The following TRAF3 variants were observed in gnomAD, a reference collection of about 807,000 sequenced individuals.
The protein encoded by TRAF3 is TNF receptor associated factor 3, also known as TNF receptor-associated factor 3.
In TRAF3, 13 loss-of-function variants were observed where a neutral mutation model predicts 62.3. That is an observed-to-expected ratio of 0.21 (90% CI 0.14 to 0.33). The LOEUF (loss-of-function observed/expected upper bound fraction) is 0.33. TRAF3 is among the 10% of genes least tolerant of loss of function. TRAF3 has a pLI of 1.00. For synonymous variants in TRAF3, 269 were observed against 283.4 expected (o/e 0.95, Z 0.51); for missense variants, 440 against 741.8 (o/e 0.59, Z 4.73).
intron 2 of TRAF3, among the ~76,000 whole-genome samples, chr14:102,855,444 A>G (rs900570158): frequency 1.3e-5 from 2 of 152,164 alleles, no homozygotes; most frequent in African/African-American, 4.8e-5. Context: ...GCGTTTCCAC[A>G]GCAGTATATG....
At chr14:102,883,723 T>C (rs550114537) in intron 6 of TRAF3, among the ~76,000 whole-genome samples, 21 of 152,144 alleles carry the variant, frequency 1.4e-4, no homozygotes, top group Non-Finnish European at 2.1e-4. Flanking sequence ...GTAGCTGGGA[T>C]TACGGGTGCC....
chr14:102,898,270 A>G (rs947552270), intron 10 of TRAF3, among the ~76,000 whole-genome samples: 3 of 152,244 alleles, frequency 2.0e-5, no homozygotes, highest in Non-Finnish European at 2.9e-5. Flanking sequence ...TTTTTATTAT[A>G]TTTTGTAGTT....
chr14:102,794,174 T>G (rs1429923372), intron 1 of TRAF3, among the ~76,000 whole-genome samples: 2 of 151,884 alleles, frequency 1.3e-5, no homozygotes, highest in African/African-American at 4.8e-5. Flanking sequence ...TCTCTCTCTC[T>G]TTCTTCTTTT....
chr14:102,844,509 A>G (rs1217051424), intron 2 of TRAF3, among the ~76,000 whole-genome samples: 3 of 152,176 alleles, frequency 2.0e-5, no homozygotes, highest in African/African-American at 7.2e-5. Context: ...GGAAAATAAG[A>G]TGCTCTGAAT....
chr14:102,818,260 A>C (rs1899657687), intron 1 of TRAF3, among the ~76,000 whole-genome samples: 1 of 152,162 alleles, frequency 6.6e-6, no homozygotes, highest in African/African-American at 2.4e-5. Context: ...ATCAGTAGAG[A>C]TTAAAAGCTG....
chr14:102,814,620 G>A lies in TRAF3; in HGVS notation c.-156-15714G>A, dbSNP rs116770915. On this transcript the variant is annotated intron_variant, in intron 1 of 11. Transcript: ENST00000392745. ...TGCAGCCTTGACCTCCTGGACTTAG[G>A]TGATCCTCCCACCTCAGCCTCCTGA... Among the ~76,000 whole-genome samples, 812 of 152,136 alleles carry A rather than the reference G, an allele frequency of 5.3e-3. 4 individuals carry two copies. The highest frequency in any genetic ancestry group is 0.016 in the African/African-American group (645 of 41,480).
intron 2 of TRAF3, among the ~76,000 whole-genome samples, chr14:102,849,724 C>G (rs1358844702): frequency 2.0e-5 from 3 of 152,202 alleles, no homozygotes; most frequent in East Asian, 3.8e-4. Flanking sequence ...ACTGTGGGCC[C>G]TCTCCCGCAG....
intron 2 of TRAF3, among the ~76,000 whole-genome samples, chr14:102,850,802 A>AT (rs1166805700): frequency 1.3e-5 from 2 of 151,156 alleles, no homozygotes; most frequent in East Asian, 1.9e-4. Context: ...CATAGGTGCC[A>AT]TTTTTTAGTC....
At chr14:102,840,559 G>A (rs2139676615) in intron 2 of TRAF3, among the ~76,000 whole-genome samples, 2 of 152,296 alleles carry the variant, frequency 1.3e-5, no homozygotes, top group African/African-American at 4.8e-5. Context: ...GACAGGATCA[G>A]TATTAATGAT....
chr14:102,870,449 A>G lies in TRAF3; in HGVS notation c.245+3A>G, dbSNP rs763416425. 1 of 1,612,906 alleles carries G rather than the reference A, an allele frequency of 6.2e-7. No individual in the cohort carries two copies. The highest frequency in any genetic ancestry group is 8.5e-7 in the Non-Finnish European group (1 of 1,179,792). On this transcript the variant is annotated splice_donor_region_variant and intron_variant, in intron 3 of 11. Transcript: ENST00000392745. ...AGCTGCATGGCGGCCCTGCTGAGGT[A>G]GGCGCCCTCGCCCGGCCCGTCGCCC...
At chr14:102,786,636 A>C (rs1897515555) in intron 1 of TRAF3, among the ~76,000 whole-genome samples, 1 of 152,148 alleles carries the variant, frequency 6.6e-6, no homozygotes, top group Non-Finnish European at 1.5e-5. Context: ...GCAGTGAGCC[A>C]AGATCGTGCC....
chr14:102,834,576 A>G (rs908749019), intron 2 of TRAF3, among the ~76,000 whole-genome samples: 2 of 150,018 alleles, frequency 1.3e-5, no homozygotes, highest in African/African-American at 5.0e-5. Flanking sequence ...AGTCCCAGCT[A>G]CTCGGAGAGG....
intron 6 of TRAF3, among the ~76,000 whole-genome samples, chr14:102,879,423 A>G (rs1280866733): frequency 6.6e-6 from 1 of 151,892 alleles, no homozygotes; most frequent in Non-Finnish European, 1.5e-5. Context: ...ATGCCTGGCT[A>G]ATTTTTGTAT....
chr14:102,886,062 G>C, intron 6 of TRAF3, 127 bp from the exon 7 acceptor site: 1 of 764,356 alleles, frequency 1.3e-6, no homozygotes, highest in Non-Finnish European at 2.3e-6. Flanking sequence ...TACGTAATGT[G>C]AGTGCCATAA....
intron 2 of TRAF3, among the ~76,000 whole-genome samples, chr14:102,857,837 C>T (rs1360384029): frequency 6.6e-6 from 1 of 152,216 alleles, no homozygotes; most frequent in African/African-American, 2.4e-5. Flanking sequence ...ATTCTTATTG[C>T]ACTTGTGCAA....
intron 1 of TRAF3, among the ~76,000 whole-genome samples, chr14:102,800,755 G>T (rs1267288396): frequency 6.7e-6 from 1 of 148,532 alleles, no homozygotes; most frequent in Non-Finnish European, 1.5e-5. Flanking sequence ...AGAATCAGTG[G>T]TGTGATCAAA....
intron 1 of TRAF3, 81 bp from the exon 2 acceptor site, chr14:102,830,253 C>G (rs1228678063): frequency 6.6e-6 from 1 of 152,248 alleles, no homozygotes; most frequent in African/African-American, 2.4e-5. Flanking sequence ...GGCCTTGAGG[C>G]ACACAGCGGG....
rs566044965 is a variant in TRAF3 at position 102,909,357 on chromosome 14, A to G, written c.*3573A>G. 1 of 152,352 alleles carries G rather than the reference A, an allele frequency of 6.6e-6. No homozygotes were observed. Among genetic ancestry groups the G allele is most frequent in the Non-Finnish European group, 1.5e-5 (1 of 68,140 alleles). The allele number at this position is 152,352 out of a possible 1,614,324, so 9.4% of individuals were successfully genotyped here. A position where few individuals can be genotyped will look rare whatever the true frequency, so the allele number is the denominator to read the frequency against. On this transcript the variant is annotated 3_prime_UTR_variant, in exon 12 of 12. Transcript: ENST00000392745. The stretch of plus-strand genomic sequence containing the variant: ...GTGCGGGTGGACAGAGGGGGCCCTT[A>G]TGACCCACATTGCAGCCCCATTCCA...
chr14:102,868,524 G>A (rs1177211920), intron 2 of TRAF3, among the ~76,000 whole-genome samples: 2 of 152,182 alleles, frequency 1.3e-5, no homozygotes, highest in Non-Finnish European at 2.9e-5. Flanking sequence ...GCCTCGTAAA[G>A]GTCGTAAGGC....
Sources: allele counts gnomAD v4.1 joint callset (sites outside exome capture counted in the v4.1 genomes callset), GRCh38; gene constraint gnomAD v4.1.1; transcripts MANE v1.5; gene names NCBI Gene and HGNC (gene_info 2026-07-23, HGNC 2026-07-21).